Variants in NRAP observed in about 807,000 individuals in gnomAD.
The protein encoded by NRAP is nebulin related anchoring protein.
In NRAP, 189 loss-of-function variants were observed where a neutral mutation model predicts 225.9. The observed-to-expected ratio is 0.84, with a 90% CI of 0.74 to 0.94. The LOEUF is 0.94. Ranked by LOEUF, NRAP falls within the 40% of genes least tolerant of loss-of-function variation. The pLI is 0.00. For synonymous variants in NRAP, 769 were observed against 790.7 expected, an observed-to-expected ratio of 0.97 and a Z score of 0.46; for missense variants, 2,176 against 2,168.7, an observed-to-expected ratio of 1.00 and a Z score of -0.07.
intron 3 of NRAP, 142 bp downstream of exon 3, chr10:113,662,537 T>C: frequency 1.6e-6 from 1 of 637,552 alleles, no homozygotes; most frequent in Non-Finnish European, 2.8e-6. Context: ...ATCTGCCCGC[T>C]TTGGCCTCCC....
chr10:113,621,762 T>C lies in NRAP; in HGVS notation c.2769+107A>G, dbSNP rs1268685597. 1.1e-5 allele frequency: 11 copies of C among 1,009,796 alleles called. No homozygotes were observed. The East Asian group carries it at 2.2e-4, about 20-fold the overall frequency. The allele number at this position is 1,009,796 out of a possible 1,614,324, so 62.6% of individuals were successfully genotyped here. A position where few individuals can be genotyped will look rare whatever the true frequency, so the allele number is the denominator to read the frequency against. The stretch of plus-strand genomic sequence containing the variant: ...CCACTTAGGGATCCAGAAACAGGTG[T>C]CCCATAGCATAAATTGTTGCACTGA... On this transcript the variant is annotated intron_variant, in intron 24 of 41. Transcript: ENST00000359988.
rs184649873 is a variant in NRAP at position 113,629,537 on chromosome 10, A to G, written c.2040+51T>C. 53 of 1,274,306 alleles carry G rather than the reference A, an allele frequency of 4.2e-5. No individual in the cohort carries two copies. In the Admixed American group the frequency reaches 5.7e-4, roughly 14 times the overall value. The allele number at this position is 1,274,306 out of a possible 1,614,324, so 78.9% of individuals were successfully genotyped here. ...ACAGGTTTGAAATCACTCTGAAAGC[A>G]TGTCCAACTGCAAGAGATGCATGAA... On this transcript the variant is annotated intron_variant, in intron 19 of 41. Coordinates refer to ENST00000359988, the MANE Select transcript of NRAP (RefSeq NM_198060.4).
In NRAP at chr10:113,633,205, A is replaced by G. The variant is rs910138415; in HGVS notation, c.1528-17T>C. ...GTAATTCACCTGTTGGATTTAAAAT[A>G]AATCTGTAGGGTTTTTATATGGGCA... On this transcript the variant is annotated splice_polypyrimidine_tract_variant and intron_variant, in intron 15 of 41. Transcript: ENST00000359988. 1.4e-6 allele frequency: 2 copies of G among 1,406,142 alleles called. No individual in the cohort carries two copies. Among genetic ancestry groups the G allele is most frequent in the Admixed American group, 3.3e-5 (2 of 59,734 alleles). 87.1% of individuals were successfully genotyped at this position (1,406,142 alleles called of 1,614,324 possible).
chr10:113,613,961 C>A (rs1847482725), intron 29 of NRAP, among the ~76,000 whole-genome samples: 1 of 152,124 alleles, frequency 6.6e-6, no homozygotes, highest in Non-Finnish European at 1.5e-5. Context: ...TTATAGAATG[C>A]CCAGCCCAGA....
chr10:113,590,927 T>C (rs757170420), intron 39 of NRAP, 38 bp from the exon 40 acceptor site: 4 of 1,586,806 alleles, frequency 2.5e-6, no homozygotes, highest in Non-Finnish European at 3.4e-6. Context: ...CATGGGTGCC[T>C]ACCTCCCCCA....
In NRAP at chr10:113,647,596, A is replaced by ACTGTCTCCCCCG. The variant is rs1564752769; in HGVS notation, c.889-570_889-569insCGGGGGAGACAG. ...CTCCCCTGGTGGTACTTCCTCCCCT[A>ACTGTCTCCCCCG]GTGGTACTGTCTCCCCCGGTGGTAC... On this transcript the variant is annotated intron_variant, in intron 9 of 41. Coordinates refer to ENST00000359988, the MANE Select transcript of NRAP (RefSeq NM_198060.4). 1.3e-3 allele frequency among the ~76,000 whole-genome samples: 57 copies of ACTGTCTCCCCCG among 42,648 alleles called. 7 individuals carry two copies. The highest frequency in any genetic ancestry group is 2.7e-3 in the African/African-American group (49 of 17,858). The allele number at this position is 42,648 out of a possible 152,430, so 28.0% of individuals were successfully genotyped here. A position where few individuals can be genotyped will look rare whatever the true frequency, so the allele number is the denominator to read the frequency against.
Position 113,631,658 on chromosome 10 carries a change from C to T in NRAP, c.1741-48G>A, listed in dbSNP as rs369767602. The stretch of plus-strand genomic sequence containing the variant: ...ACTGTGAGTGAGAGAGAAACTTTGC[C>T]GTCTAAGGGGCTCTGGTTTTAACAA... On this transcript the variant is annotated intron_variant, in intron 17 of 41. Transcript: ENST00000359988. The T allele has an allele frequency of 1.4e-5, 17 of 1,257,144 alleles. No individual in the cohort carries two copies. In the Admixed American group the frequency reaches 1.5e-4, roughly 11 times the overall value. The allele number at this position is 1,257,144 out of a possible 1,614,324, so 77.9% of individuals were successfully genotyped here. A position where few individuals can be genotyped will look rare whatever the true frequency, so the allele number is the denominator to read the frequency against.
Position 113,645,898 on chromosome 10 carries a change from T to C in NRAP, c.1037A>G (p.His346Arg), listed in dbSNP as rs552915329. The change falls in exon 11 of 42, where the codon CAT (histidine) becomes CGT (arginine). Residue 346 changes from histidine (H) to arginine (R), a missense_variant. By Grantham distance (29) the His-to-Arg change is conservative (BLOSUM62 0). Coordinates refer to ENST00000359988, the MANE Select transcript of NRAP (RefSeq NM_198060.4). Reference sequence around the variant, plus strand: ...GTCTTGAGCTGGAAGCGAGTGATAATGTGCAGCGCCTTTCATCTTATTGAA... The same window carrying C: ...GTCTTGAGCTGGAAGCGAGTGATAACGTGCAGCGCCTTTCATCTTATTGAA... ...QDFNKMKGAA[H>R]YHSLPAQDNL... 35 of 1,608,832 alleles carry C rather than the reference T, an allele frequency of 2.2e-5. No individual in the cohort carries two copies. In the South Asian group the frequency reaches 3.7e-4, roughly 17 times the overall value.
At chr10:113,651,710 G>A (rs187082313) in intron 7 of NRAP, 93 bp downstream of exon 7, 25 of 726,098 alleles carry the variant, frequency 3.4e-5, no homozygotes, top group Non-Finnish European at 4.2e-5. Context: ...ATACATGCAC[G>A]TGTATGTTCA....
At chr10:113,603,958 G>T (rs1256447450) in intron 35 of NRAP, among the ~76,000 whole-genome samples, 1 of 152,138 alleles carries the variant, frequency 6.6e-6, no homozygotes, top group Admixed American at 6.5e-5. Flanking sequence ...TCCATAGCAT[G>T]TACAACCATT....
intron 3 of NRAP, among the ~76,000 whole-genome samples, chr10:113,660,878 T>G (rs1850631354): frequency 6.6e-6 from 1 of 152,218 alleles, no homozygotes; most frequent in South Asian, 2.1e-4. Flanking sequence ...TCTGGATTTG[T>G]GCCCAACCAG....
At chr10:113,638,473 C>A (rs1450380896) in intron 14 of NRAP, among the ~76,000 whole-genome samples, 6 of 152,170 alleles carry the variant, frequency 3.9e-5, no homozygotes, top group Non-Finnish European at 7.3e-5. Context: ...TTTAAGATTA[C>A]CAGACAGAGA....
chr10:113,637,788 G>T (rs1848962960), intron 14 of NRAP, among the ~76,000 whole-genome samples: 1 of 152,138 alleles, frequency 6.6e-6, no homozygotes. Context: ...GGAGCGTGGT[G>T]GCGCATGCCT....
At chr10:113,615,862 T>G in intron 26 of NRAP, 46 bp from the exon 27 acceptor site, 1 of 1,061,134 alleles carries the variant, frequency 9.4e-7, no homozygotes, top group Non-Finnish European at 1.5e-6. Context: ...CCCCATTCCA[T>G]GCAGCCATCA....
intron 9 of NRAP, among the ~76,000 whole-genome samples, chr10:113,647,986 C>T (rs1849680784): frequency 6.6e-6 from 1 of 152,234 alleles, no homozygotes; most frequent in South Asian, 2.1e-4. Flanking sequence ...TAAGACCCAG[C>T]TTAGGGACAG....
chr10:113,615,841 T>G, intron 26 of NRAP, 25 bp from the exon 27 acceptor site: 1 of 1,307,150 alleles, frequency 7.7e-7, no homozygotes, highest in Non-Finnish European at 1.1e-6. Flanking sequence ...AGGTTTTGCA[T>G]GAAACCTAGA....
Position 113,642,932 on chromosome 10 carries a change from A to G in NRAP, c.1215+2T>C, listed in dbSNP as rs1191260694. On this transcript the variant is annotated splice_donor_variant, in intron 12 of 41. Coordinates refer to ENST00000359988, the MANE Select transcript of NRAP (RefSeq NM_198060.4). LOFTEE classifies it high-confidence loss of function. ...AACAAAAGCTTAGCGTTAACAACTC[A>G]CATCACTGGTAAATTTTGAGATCTT... The G allele has an allele frequency of 1.9e-6, 3 of 1,540,578 alleles. No homozygotes were observed. Among genetic ancestry groups the G allele is most frequent in the Admixed American group, 1.7e-5 (1 of 59,930 alleles).
At chr10:113,663,541 T>C (rs1251503706) in intron 1 of NRAP, 95 bp from the exon 2 acceptor site, 1 of 798,148 alleles carries the variant, frequency 1.3e-6, no homozygotes, top group Non-Finnish European at 2.0e-6. Context: ...ACTTCGAGGA[T>C]AAAATGCTGA....
intron 29 of NRAP, among the ~76,000 whole-genome samples, chr10:113,613,056 A>G (rs1374447998): frequency 6.6e-6 from 1 of 152,128 alleles, no homozygotes; most frequent in Non-Finnish European, 1.5e-5. Flanking sequence ...AGGTCTGGGA[A>G]ACTCTGGGAA....
Sources: gnomAD v4.1 joint callset for allele counts (sites outside exome capture counted in the v4.1 genomes callset) on GRCh38, gnomAD v4.1.1 for gene constraint, MANE v1.5 for transcripts, NCBI Gene and HGNC (gene_info 2026-07-23, HGNC 2026-07-21) for gene names.